The following UVRAG variants were observed in gnomAD, a reference collection of about 807,000 sequenced individuals.
UVRAG encodes UV radiation resistance associated.
A neutral mutation model predicts 78.0 loss-of-function variants in UVRAG; 19 were observed. The ratio of observed to expected loss-of-function variants is 0.24; its 90% CI spans 0.17 to 0.36. UVRAG has a LOEUF of 0.36. Among genes scored for constraint, UVRAG ranks in the 10% least tolerant of loss-of-function variants. The pLI is 1.00. For synonymous variants in UVRAG, 323 were observed against 324.6 expected, an observed-to-expected ratio of 1.00 and a Z score of 0.05; for missense variants, 740 against 853.8, an observed-to-expected ratio of 0.87 and a Z score of 1.66.
At chr11:76,092,055 A>G (rs535033218) in intron 13 of UVRAG, among the ~76,000 whole-genome samples, 58 of 152,060 alleles carry the variant, frequency 3.8e-4, no homozygotes, top group Admixed American at 2.5e-3. Flanking sequence ...TCATTGTTCA[A>G]TTCCCACCTA....
chr11:75,968,573 A>G (rs1040191961), intron 7 of UVRAG, among the ~76,000 whole-genome samples: 4 of 152,176 alleles, frequency 2.6e-5, no homozygotes, highest in Non-Finnish European at 5.9e-5. Flanking sequence ...CACTATACAT[A>G]TGCCTTCCCA....
chr11:75,995,511 A>T (rs1378892173), intron 8 of UVRAG, among the ~76,000 whole-genome samples: 1 of 151,658 alleles, frequency 6.6e-6, no homozygotes, highest in Non-Finnish European at 1.5e-5. Context: ...GAAAAAAAAA[A>T]AAAAAGAGTA....
chr11:76,077,175 T>TAC (rs887545759), intron 13 of UVRAG, among the ~76,000 whole-genome samples: 4 of 148,872 alleles, frequency 2.7e-5, no homozygotes, highest in Admixed American at 6.7e-5. Context: ...ATATTATATA[T>TAC]ACACACACAC....
chr11:76,102,971 T>C (rs562709111), intron 13 of UVRAG, among the ~76,000 whole-genome samples: 64 of 152,292 alleles, frequency 4.2e-4, no homozygotes, highest in African/African-American at 1.5e-3. Flanking sequence ...TCATCTAAAT[T>C]GTTGGCAGAA....
At chr11:76,087,369 T>C (rs1951606335) in intron 13 of UVRAG, among the ~76,000 whole-genome samples, 1 of 152,224 alleles carries the variant, frequency 6.6e-6, no homozygotes, top group Non-Finnish European at 1.5e-5. Context: ...TTTCTTTTCC[T>C]TAGAGACTCT....
intron 2 of UVRAG, among the ~76,000 whole-genome samples, chr11:75,854,559 G>A (rs1946242256): frequency 1.3e-5 from 2 of 152,092 alleles, no homozygotes; most frequent in Admixed American, 1.3e-4. Flanking sequence ...TGGCATTACA[G>A]GCATGCGCCA....
intron 1 of UVRAG, among the ~76,000 whole-genome samples, chr11:75,818,055 A>G (rs543161674): frequency 4.0e-5 from 6 of 148,826 alleles, no homozygotes; most frequent in Non-Finnish European, 8.8e-5. Flanking sequence ...GTGAGACTCT[A>G]TCTAAAAACA....
chr11:76,088,119 C>G (rs938545996), intron 13 of UVRAG, among the ~76,000 whole-genome samples: 1 of 152,152 alleles, frequency 6.6e-6, no homozygotes, highest in African/African-American at 2.4e-5. Flanking sequence ...CCAGGCTGGT[C>G]TCAAACTTAT....
intron 3 of UVRAG, among the ~76,000 whole-genome samples, chr11:75,864,935 A>G (rs1946504638): frequency 6.6e-6 from 1 of 152,196 alleles, no homozygotes; most frequent in African/African-American, 2.4e-5. Context: ...TGGTTCTTAG[A>G]CCAGAGTGGC....
chr11:75,849,145 T>C (rs1162585040), intron 1 of UVRAG, among the ~76,000 whole-genome samples: 1 of 151,680 alleles, frequency 6.6e-6, no homozygotes. Context: ...GCCATTGCAC[T>C]CCAGCCTGGG....
intron 7 of UVRAG, among the ~76,000 whole-genome samples, chr11:75,970,610 G>A (rs1949104680): frequency 6.6e-6 from 1 of 151,894 alleles, no homozygotes; most frequent in South Asian, 2.1e-4. Flanking sequence ...GCGGGCGCCT[G>A]TAGTCCCAGT....
Position 75,851,950 on chromosome 11 carries a change from T to C in UVRAG, c.185T>C (p.Leu62Pro), listed in dbSNP as rs1454064612. The change falls in exon 2 of 15, where the codon CTT (leucine) becomes CCT (proline). Residue 62 changes from leucine to proline, a missense_variant. Physicochemically the swap from Leu to Pro is moderately conservative, Grantham distance 98. Coordinates refer to ENST00000356136, the MANE Select transcript of UVRAG (RefSeq NM_003369.4). ...GTTAATAGAAATGGCCATCAGCTCCTTGATACCTACTTTACACTTCACTTG... is the reference window on the plus strand; with the variant it reads ...GTTAATAGAAATGGCCATCAGCTCCCTGATACCTACTTTACACTTCACTTG... ...NIVNRNGHQLLDTYFTLHLCS... is the reference protein window; with the variant it reads ...NIVNRNGHQLPDTYFTLHLCS... 3 of 1,614,096 alleles carry C rather than the reference T, an allele frequency of 1.9e-6. No individual in the cohort carries two copies.
intron 7 of UVRAG, among the ~76,000 whole-genome samples, chr11:75,972,118 T>G (rs1448646613): frequency 6.6e-6 from 1 of 152,102 alleles, no homozygotes; most frequent in Admixed American, 6.5e-5. Context: ...GTTCTTTGTA[T>G]ATTTTGGAGA....
intron 6 of UVRAG, among the ~76,000 whole-genome samples, chr11:75,946,546 T>G (rs1241632873): frequency 2.0e-5 from 3 of 152,246 alleles, no homozygotes; most frequent in African/African-American, 7.2e-5. Context: ...TCTCTGCTTA[T>G]GGTCTCATGA....
chr11:75,839,285 A>G (rs1945856467), intron 1 of UVRAG, among the ~76,000 whole-genome samples: 1 of 151,918 alleles, frequency 6.6e-6, no homozygotes, highest in Non-Finnish European at 1.5e-5. Context: ...GACTCTGCAT[A>G]AGGTAGTTTT....
At chr11:76,125,827 C>G (rs1952376991) in intron 14 of UVRAG, among the ~76,000 whole-genome samples, 1 of 152,110 alleles carries the variant, frequency 6.6e-6, no homozygotes, top group South Asian at 2.1e-4. Context: ...AAAAAAATCA[C>G]TATTGTATTA....
rs80117897 is a variant in UVRAG at position 75,926,427 on chromosome 11, C to T, written c.593+14388C>T. ...ACAGTAGCACTGATTTTTCTGTTCC[C>T]GAGATTCTTTGATTCTAATGACAGA... is the stretch of plus-strand genomic sequence containing the variant. On this transcript the variant is annotated intron_variant, in intron 6 of 14. Transcript: ENST00000356136. Among the ~76,000 whole-genome samples the T allele has an allele frequency of 1.7e-3, 259 of 152,138 alleles. 6 individuals carry two copies. In the East Asian group the frequency reaches 0.033, roughly 20 times the overall value.
chr11:75,851,469 AG>A (rs1482089669), intron 1 of UVRAG, among the ~76,000 whole-genome samples: 3 of 152,172 alleles, frequency 2.0e-5, no homozygotes, highest in Non-Finnish European at 2.9e-5. Flanking sequence ...AACTAGCATC[AG>A]GGGTGAGTGT....
At chr11:76,029,327 A>G (rs940914605) in intron 12 of UVRAG, among the ~76,000 whole-genome samples, 1 of 151,654 alleles carries the variant, frequency 6.6e-6, no homozygotes, top group Non-Finnish European at 1.5e-5. Flanking sequence ...TCCGCAACCC[A>G]TGGATGACTT....
Sources: gnomAD v4.1 joint callset for allele counts (sites outside exome capture counted in the v4.1 genomes callset) on GRCh38, gnomAD v4.1.1 for gene constraint, MANE v1.5 for transcripts, NCBI Gene and HGNC (gene_info 2026-07-23, HGNC 2026-07-21) for gene names.